Variants in UST observed in about 807,000 individuals in gnomAD.
UST encodes uronyl 2-sulfotransferase.
UST carries 21 observed loss-of-function variants against 45.6 expected under a neutral mutation model. That is an observed-to-expected ratio of 0.46 (90% confidence interval 0.33 to 0.66). The LOEUF is 0.66. Among genes scored for constraint, UST ranks in the 30% least tolerant of loss-of-function variants. The probability of loss-of-function intolerance (pLI) is 0.02; values close to 1 mark genes in which losing one functional copy is unlikely to be tolerated. For missense variants in UST, 463 were observed against 512.4 expected, an observed-to-expected ratio of 0.90 and a Z score of 0.93; for synonymous variants, 215 against 200.6, an observed-to-expected ratio of 1.07 and a Z score of -0.61.
At chr6:148,773,419 C>A (rs998212389) in intron 1 of UST, among the ~76,000 whole-genome samples, 3 of 151,738 alleles carry the variant, frequency 2.0e-5, no homozygotes, top group Admixed American at 6.6e-5. Context: ...CAAGATTGTG[C>A]CACTGTACTC....
chr6:148,881,977 G>C (rs899992607), intron 1 of UST, among the ~76,000 whole-genome samples: 1 of 152,152 alleles, frequency 6.6e-6, no homozygotes, highest in Non-Finnish European at 1.5e-5. Context: ...ACTGTCTCCT[G>C]CTAAAGAAAT....
At chr6:149,056,300 G>A (rs1370914274) in intron 7 of UST, among the ~76,000 whole-genome samples, 1 of 151,708 alleles carries the variant, frequency 6.6e-6, no homozygotes, top group East Asian at 1.9e-4. Flanking sequence ...TGGACACGAG[G>A]TTTTGCCATG....
intron 1 of UST, among the ~76,000 whole-genome samples, chr6:148,766,947 A>G (rs1264830881): frequency 1.3e-5 from 2 of 152,230 alleles, no homozygotes; most frequent in Non-Finnish European, 2.9e-5. Flanking sequence ...ATAACACTTT[A>G]GCTTACAGCT....
chr6:148,883,471 G>A (rs1239786038), intron 1 of UST, among the ~76,000 whole-genome samples: 2 of 152,172 alleles, frequency 1.3e-5, no homozygotes, highest in African/African-American at 4.8e-5. Flanking sequence ...ACACATCCAT[G>A]TAAAAGCTTA....
chr6:148,792,937 C>T (rs930836006), intron 1 of UST, among the ~76,000 whole-genome samples: 2 of 152,154 alleles, frequency 1.3e-5, no homozygotes, highest in African/African-American at 4.8e-5. Flanking sequence ...TATCTAGCTA[C>T]AGACATGATT....
chr6:149,063,585 G>A (rs1582983505), intron 7 of UST, among the ~76,000 whole-genome samples: 1 of 152,162 alleles, frequency 6.6e-6, no homozygotes, highest in East Asian at 1.9e-4. Context: ...TCTCGCTAAG[G>A]ACCCAGCATT....
chr6:149,062,205 A>C (rs958963402), intron 7 of UST, among the ~76,000 whole-genome samples: 2 of 152,238 alleles, frequency 1.3e-5, no homozygotes, highest in African/African-American at 4.8e-5. Context: ...AAGAAAAGCA[A>C]ATACCACTAC....
chr6:149,023,101 G>GGTGTGTGTGTGT (rs61544082), intron 7 of UST, among the ~76,000 whole-genome samples: 4 of 143,358 alleles, frequency 2.8e-5, no homozygotes, highest in African/African-American at 7.8e-5. Flanking sequence ...CTTGTTCTAT[G>GGTGTGTGTGTGT]GTGTGTGTGT....
chr6:148,921,573 G>A (rs547716195), intron 2 of UST, among the ~76,000 whole-genome samples: 1 of 152,278 alleles, frequency 6.6e-6, no homozygotes, highest in African/African-American at 2.4e-5. Context: ...CAGGTATTGT[G>A]TTAGAATTAA....
rs1562555182 is a variant in UST at position 148,748,018 on chromosome 6, C to T, written c.247+341C>T. Among the ~76,000 whole-genome samples the T allele has an allele frequency of 6.6e-6, 1 of 152,126 alleles. No individual in the cohort carries two copies. Among genetic ancestry groups the T allele is most frequent in the African/African-American group, 2.4e-5 (1 of 41,452 alleles). On this transcript the variant is annotated intron_variant, in intron 1 of 7. Coordinates refer to ENST00000367463, the MANE Select transcript of UST (RefSeq NM_005715.3). The surrounding 1 kb of genome is among the most constrained non-coding windows in gnomAD (Gnocchi z 5.3). Reference sequence around the variant, plus strand: ...GTGGGGTGTGCCGGAGTGTGTGTATCTTCAGGCCTGGCGGCGCGGGGAGTG... The same window carrying T: ...GTGGGGTGTGCCGGAGTGTGTGTATTTTCAGGCCTGGCGGCGCGGGGAGTG...
At chr6:148,787,426 C>T (rs919076360) in intron 1 of UST, among the ~76,000 whole-genome samples, 4 of 152,190 alleles carry the variant, frequency 2.6e-5, no homozygotes, top group African/African-American at 9.6e-5. Flanking sequence ...GGTCTCCCTG[C>T]ACCATTTATT....
At chr6:149,007,278 C>T (rs1378092635) in intron 5 of UST, among the ~76,000 whole-genome samples, 2 of 148,912 alleles carry the variant, frequency 1.3e-5, no homozygotes, top group Non-Finnish European at 3.0e-5. Context: ...CACCACCACA[C>T]CCGACCAATT....
chr6:148,807,657 C>T (rs963778408), intron 1 of UST, among the ~76,000 whole-genome samples: 7 of 152,066 alleles, frequency 4.6e-5, no homozygotes, highest in African/African-American at 1.7e-4. Flanking sequence ...TTGACAGATA[C>T]AGCTTTGATT....
At chr6:149,063,604 T>G (rs1278057551) in intron 7 of UST, among the ~76,000 whole-genome samples, 1 of 152,174 alleles carries the variant, frequency 6.6e-6, no homozygotes, top group Non-Finnish European at 1.5e-5. Context: ...TTTGTGGGTC[T>G]CCTAGGAATT....
intron 1 of UST, among the ~76,000 whole-genome samples, chr6:148,844,727 G>A (rs1428752111): frequency 6.6e-6 from 1 of 151,936 alleles, no homozygotes; most frequent in African/African-American, 2.4e-5. Context: ...TGGGTATATT[G>A]GACCCAAGTA....
intron 5 of UST, among the ~76,000 whole-genome samples, chr6:148,967,837 G>A (rs540317361): frequency 1.3e-5 from 2 of 152,350 alleles, no homozygotes; most frequent in South Asian, 4.1e-4. Flanking sequence ...CTGGCCCTGA[G>A]CCTCACAGAG....
intron 3 of UST, among the ~76,000 whole-genome samples, 179 bp downstream of exon 3, chr6:148,941,613 T>C (rs1383523769): frequency 6.6e-6 from 1 of 152,200 alleles, no homozygotes; most frequent in African/African-American, 2.4e-5. Context: ...ATAAGAACTC[T>C]ATAAACCAGG....
chr6:148,748,141 C>A lies in UST; in HGVS notation c.247+464C>A, dbSNP rs921674617. Among the ~76,000 whole-genome samples the A allele has an allele frequency of 6.6e-6, 1 of 152,178 alleles. No individual in the cohort carries two copies. Among genetic ancestry groups the A allele is most frequent in the Non-Finnish European group, 1.5e-5 (1 of 68,034 alleles). Reference sequence around the variant, plus strand: ...AGTGTGGGTGGGTTTAGCCCTTTGCCACCGTCCGCTCTGAGAATTCTGTCC... The same window carrying A: ...AGTGTGGGTGGGTTTAGCCCTTTGCAACCGTCCGCTCTGAGAATTCTGTCC... On this transcript the variant is annotated intron_variant, in intron 1 of 7. Coordinates refer to ENST00000367463, the MANE Select transcript of UST (RefSeq NM_005715.3). The surrounding 1 kb of genome is among the most constrained non-coding windows in gnomAD (Gnocchi z 5.3).
intron 4 of UST, among the ~76,000 whole-genome samples, chr6:148,961,851 T>C (rs570107865): frequency 6.6e-6 from 1 of 152,336 alleles, no homozygotes; most frequent in South Asian, 2.1e-4. Flanking sequence ...TTAAATTACT[T>C]AGAGGAGAAA....
Sources: gnomAD v4.1 joint callset for allele counts (sites outside exome capture counted in the v4.1 genomes callset) on GRCh38, gnomAD v4.1.1 for gene constraint, Gnocchi (gnomAD v3.1) non-coding constraint, MANE v1.5 for transcripts, NCBI Gene and HGNC (gene_info 2026-07-23, HGNC 2026-07-21) for gene names.